GPHN: variants seen among roughly 807,000 people sequenced by gnomAD.
GPHN encodes gephyrin.
Under a neutral mutation model 95.5 loss-of-function variants are expected in GPHN, and 17 were observed. The observed-to-expected ratio is 0.18, with a 90% CI of 0.12 to 0.27. The LOEUF is 0.27. GPHN is among the 10% of genes least tolerant of loss of function. The pLI is 1.00. For missense variants in GPHN, 660 were observed against 978.1 expected (o/e 0.67, Z 4.34); for synonymous variants, 320 against 322.5 (o/e 0.99, Z 0.08).
At position 66,924,231 on chromosome 14, in the gene GPHN, C is replaced by G. The variant is rs748108654; in HGVS notation, c.767C>G (p.Ala256Gly). ...PFYTSPAVVM[A>G]HGEQPIPGLI... ...TACACCAGTCCTGCTGTTGTCATGGCACACGGTGAACAGCCCATCCCTGGT... is the reference window on the plus strand; with the variant it reads ...TACACCAGTCCTGCTGTTGTCATGGGACACGGTGAACAGCCCATCCCTGGT... The change falls in exon 8 of 23, where the codon GCA becomes GGA. Residue 256 changes from alanine to glycine, a missense_variant. By Grantham distance (60) the Ala-to-Gly change is moderately conservative (BLOSUM62 0). Around this residue, in one of 6 missense-constraint regions of GPHN, gnomAD observed 190 missense variants for 224.7 expected, o/e 0.85. Transcript: ENST00000478722. The G allele has an allele frequency of 6.2e-7, 1 of 1,611,066 alleles. No homozygotes were observed. The highest frequency in any genetic ancestry group is 2.2e-5 in the East Asian group (1 of 44,862).
intron 1 of GPHN, among the ~76,000 whole-genome samples, chr14:66,644,137 C>A (rs1009001340): frequency 2.0e-5 from 3 of 151,966 alleles, no homozygotes; most frequent in Non-Finnish European, 4.4e-5. Flanking sequence ...TTGGATTTCT[C>A]TGTTTAATTA....
chr14:66,866,620 CA>C (rs1306823097), intron 4 of GPHN, among the ~76,000 whole-genome samples: 2 of 152,102 alleles, frequency 1.3e-5, no homozygotes, highest in Non-Finnish European at 2.9e-5. Flanking sequence ...GGTTCTTGAA[CA>C]GGGGTTGGGA....
the GPHN span, among the ~76,000 whole-genome samples, chr14:67,671,533 C>CA: frequency 7.3e-5 from 11 of 150,888 alleles, no homozygotes; most frequent in South Asian, 2.1e-4. Flanking sequence ...CTCAAAAAAA[C>CA]AAAAAAAAGA....
At chr14:67,586,429 C>T in the GPHN span, 2 of 1,327,726 alleles carry the variant, frequency 1.5e-6, no homozygotes, top group Non-Finnish European at 2.0e-6. Flanking sequence ...TGCAGCAGTC[C>T]TCAAGGCAGG....
intron 1 of GPHN, among the ~76,000 whole-genome samples, chr14:66,601,119 T>C (rs1034919969): frequency 1.3e-5 from 2 of 151,982 alleles, no homozygotes; most frequent in African/African-American, 2.4e-5. Flanking sequence ...AATCAATGAG[T>C]GTTTGAGGAC....
intron 8 of GPHN, among the ~76,000 whole-genome samples, chr14:66,961,947 T>TATATATATATATATATAC (rs1555452281): frequency 2.7e-5 from 2 of 75,118 alleles, no homozygotes; most frequent in Non-Finnish European, 4.2e-5. Context: ...TATATATATA[T>TATATATATATATATATAC]ACACATATCT....
chr14:67,532,663 G>T, the GPHN span, among the ~76,000 whole-genome samples: 1 of 152,084 alleles, frequency 6.6e-6, no homozygotes, highest in Non-Finnish European at 1.5e-5. Flanking sequence ...GTCCAGCCTG[G>T]GCAACATAGC....
intron 6 of GPHN, among the ~76,000 whole-genome samples, chr14:66,916,387 A>G (rs1269978881): frequency 1.3e-5 from 2 of 151,760 alleles, no homozygotes; most frequent in Non-Finnish European, 2.9e-5. Context: ...TTGTAGAGTC[A>G]TCAATGCTTT....
At chr14:66,626,606 G>GT (rs1253542224) in intron 1 of GPHN, among the ~76,000 whole-genome samples, 1 of 152,016 alleles carries the variant, frequency 6.6e-6, no homozygotes, top group African/African-American at 2.4e-5. Context: ...TCTAGTTATT[G>GT]TTTTTTGGAT....
chr14:66,970,681 A>G (rs2069696923), intron 9 of GPHN, among the ~76,000 whole-genome samples: 1 of 152,176 alleles, frequency 6.6e-6, no homozygotes, highest in Non-Finnish European at 1.5e-5. Context: ...ATAAGACTAT[A>G]CTAGACATCA....
chr14:67,058,989 G>C, intron 11 of GPHN: 1 of 401,052 alleles, frequency 2.5e-6, no homozygotes. Context: ...TAAAATCCAT[G>C]AAACTGCCTT....
the GPHN span, chr14:67,722,335 T>C: frequency 4.1e-6 from 2 of 485,344 alleles, no homozygotes; most frequent in Admixed American, 6.5e-5. Context: ...ATGGGGGGTT[T>C]AGGGGGTACT....
chr14:67,341,123 G>A, the GPHN span, among the ~76,000 whole-genome samples: 13 of 152,256 alleles, frequency 8.5e-5, no homozygotes, highest in East Asian at 2.3e-3. Flanking sequence ...GAGCCTCTCT[G>A]CCTGGCCGCC....
At chr14:67,103,899 G>A (rs997212599) in intron 13 of GPHN, among the ~76,000 whole-genome samples, 2 of 151,986 alleles carry the variant, frequency 1.3e-5, no homozygotes, top group Non-Finnish European at 2.9e-5. Flanking sequence ...GGGACTTCCA[G>A]TACTAGGTTG....
the GPHN span, among the ~76,000 whole-genome samples, chr14:67,366,709 T>C: frequency 3.9e-5 from 6 of 152,310 alleles, no homozygotes; most frequent in African/African-American, 1.4e-4. Flanking sequence ...TATGTCCTCC[T>C]AGACAAGCCT....
chr14:67,291,234 CT>C, the GPHN span, among the ~76,000 whole-genome samples: 197 of 144,646 alleles, frequency 1.4e-3, no homozygotes, highest in Non-Finnish European at 1.3e-3. Flanking sequence ...ACTACCAGTG[CT>C]TTTTTTTTTT....
At chr14:67,655,999 A>C in the GPHN span, among the ~76,000 whole-genome samples, 2 of 152,146 alleles carry the variant, frequency 1.3e-5, no homozygotes, top group Non-Finnish European at 2.9e-5. Flanking sequence ...TAATCCTAGC[A>C]CTTTGGGAGG....
chr14:67,380,920 G>T, the GPHN span, among the ~76,000 whole-genome samples: 11 of 152,024 alleles, frequency 7.2e-5, no homozygotes, highest in South Asian at 6.2e-4. Flanking sequence ...AATTATTTTG[G>T]CTTCTGAATC....
chr14:67,459,659 G>C, the GPHN span, among the ~76,000 whole-genome samples: 2 of 152,264 alleles, frequency 1.3e-5, no homozygotes, highest in Non-Finnish European at 2.9e-5. Flanking sequence ...GCTTCTTGAG[G>C]GTCAGAGACA....
Sources: allele counts gnomAD v4.1 joint callset (sites outside exome capture counted in the v4.1 genomes callset), GRCh38; gene constraint gnomAD v4.1.1; regional missense constraint gnomAD v4.1.1; transcripts MANE v1.5; gene names NCBI Gene and HGNC (gene_info 2026-07-23, HGNC 2026-07-21).